PCED1B: variants seen among roughly 807,000 people sequenced by gnomAD.
PCED1B encodes PC-esterase domain containing 1B.
For missense variants in PCED1B, 573 were observed against 573.9 expected (o/e 1.00, Z 0.02); for synonymous variants, 251 against 246.1 (o/e 1.02, Z -0.19).
intron 2 of PCED1B, among the ~76,000 whole-genome samples, chr12:47,140,867 T>A (rs1017179580): frequency 2.6e-5 from 4 of 152,210 alleles, no homozygotes; most frequent in Non-Finnish European, 5.9e-5. Flanking sequence ...ACCTGCTGAA[T>A]ACCCTGAGCA....
At chr12:47,224,734 G>GGTT (rs1363562255) in intron 3 of PCED1B, among the ~76,000 whole-genome samples, 3 of 152,184 alleles carry the variant, frequency 2.0e-5, no homozygotes, top group Non-Finnish European at 4.4e-5. Context: ...GGGGAATCAT[G>GGTT]GTTGTTGTTG....
Position 47,235,012 on chromosome 12 carries a change from C to T in PCED1B, c.-52C>T, listed in dbSNP as rs201466990. On this transcript the variant is annotated 5_prime_UTR_variant, in exon 4 of 4. Transcript: ENST00000546455. ...CTTCTCTCCTTCTGTCCTAGCCATC[C>T]GCAGAGCCATCCTGTGCAAAGGAAG... is the stretch of plus-strand genomic sequence containing the variant. 781 of 1,474,400 alleles carry T rather than the reference C, an allele frequency of 5.3e-4. 2 individuals are homozygous for T. Among genetic ancestry groups the T allele is most frequent in the Non-Finnish European group, 4.8e-4 (530 of 1,100,952 alleles). 91.3% of individuals were successfully genotyped at this position (1,474,400 alleles called of 1,614,324 possible).
intron 2 of PCED1B, among the ~76,000 whole-genome samples, chr12:47,138,900 G>C (rs1940487236): frequency 6.6e-6 from 1 of 152,144 alleles, no homozygotes; most frequent in Non-Finnish European, 1.5e-5. Flanking sequence ...GTATGTCCTT[G>C]TGCCTTTGGG....
intron 1 of PCED1B, among the ~76,000 whole-genome samples, chr12:47,092,609 G>T (rs972544247): frequency 6.6e-6 from 1 of 152,000 alleles, no homozygotes; most frequent in Non-Finnish European, 1.5e-5. Context: ...GTCTTAGGGG[G>T]AAGTTTTCAA....
intron 2 of PCED1B, among the ~76,000 whole-genome samples, chr12:47,183,823 C>CT (rs1942170874): frequency 6.6e-6 from 1 of 152,288 alleles, no homozygotes; most frequent in East Asian, 1.9e-4. Context: ...TTTTAATAGA[C>CT]TTTGATTCCT....
intron 2 of PCED1B, among the ~76,000 whole-genome samples, chr12:47,123,225 C>T (rs973360185): frequency 3.3e-5 from 5 of 152,090 alleles, no homozygotes; most frequent in Admixed American, 2.6e-4. Context: ...GTCAAAAAAC[C>T]TTTCTTAACA....
At chr12:47,080,031 A>C (rs1941948076) in intron 1 of PCED1B, 2 of 151,946 alleles carry the variant, frequency 1.3e-5, no homozygotes, top group African/African-American at 2.4e-5. Context: ...CCAATCCGAG[A>C]GGCGGCCGGC....
chr12:47,090,324 C>T (rs1938209769), intron 1 of PCED1B, among the ~76,000 whole-genome samples: 2 of 152,026 alleles, frequency 1.3e-5, no homozygotes, highest in Admixed American at 6.5e-5. Context: ...AAAGCCAGTG[C>T]CCAGAAGAAT....
intron 2 of PCED1B, among the ~76,000 whole-genome samples, chr12:47,140,551 A>G (rs1278272785): frequency 6.6e-6 from 1 of 152,172 alleles, no homozygotes; most frequent in Non-Finnish European, 1.5e-5. Context: ...CATTCGATCA[A>G]CGGAATGAGA....
chr12:47,233,256 A>C (rs1409949234), intron 3 of PCED1B, among the ~76,000 whole-genome samples: 3 of 152,004 alleles, frequency 2.0e-5, no homozygotes, highest in Non-Finnish European at 4.4e-5. Context: ...TCCTGGGCTC[A>C]CGCCATTCTC....
intron 2 of PCED1B, among the ~76,000 whole-genome samples, chr12:47,139,495 G>A (rs887833227): frequency 2.0e-5 from 3 of 152,300 alleles, no homozygotes; most frequent in Non-Finnish European, 4.4e-5. Flanking sequence ...AGACAGAAGT[G>A]TGTTTGGTGT....
intron 3 of PCED1B, among the ~76,000 whole-genome samples, chr12:47,221,476 G>A (rs1006573796): frequency 6.6e-6 from 1 of 150,560 alleles, no homozygotes; most frequent in African/African-American, 2.4e-5. Context: ...ACCACGCCCC[G>A]CCAACATGAA....
chr12:47,172,340 CTTTTTT>C (rs34230051), intron 2 of PCED1B, among the ~76,000 whole-genome samples: 50 of 78,354 alleles, frequency 6.4e-4, no homozygotes, highest in African/African-American at 1.8e-3. Context: ...TCGTGGGTTG[CTTTTTT>C]TTTTTTTTTT....
At chr12:47,148,684 C>T (rs992012637) in intron 2 of PCED1B, among the ~76,000 whole-genome samples, 3 of 152,204 alleles carry the variant, frequency 2.0e-5, no homozygotes, top group Non-Finnish European at 4.4e-5. Flanking sequence ...TTTTTCAATA[C>T]TTTGTCCAGT....
intron 2 of PCED1B, among the ~76,000 whole-genome samples, chr12:47,171,845 C>T (rs914198689): frequency 6.6e-6 from 1 of 151,428 alleles, no homozygotes; most frequent in African/African-American, 2.4e-5. Context: ...TCTGCTGCTG[C>T]TTCTTTCTTC....
intron 1 of PCED1B, among the ~76,000 whole-genome samples, chr12:47,102,238 G>A (rs2137223242): frequency 6.6e-6 from 1 of 152,318 alleles, no homozygotes; most frequent in East Asian, 1.9e-4. Flanking sequence ...ATGATTACAT[G>A]TGGAAACTTT....
chr12:47,233,343 G>A (rs867544304), intron 3 of PCED1B, among the ~76,000 whole-genome samples: 3 of 152,016 alleles, frequency 2.0e-5, no homozygotes, highest in South Asian at 2.1e-4. Context: ...GGGTTTCACC[G>A]TGGTAGCCAG....
At chr12:47,162,712 T>C (rs1941426222) in intron 2 of PCED1B, among the ~76,000 whole-genome samples, 1 of 152,084 alleles carries the variant, frequency 6.6e-6, no homozygotes, top group Non-Finnish European at 1.5e-5. Flanking sequence ...TGGTAACTCA[T>C]AGAACAAGAA....
chr12:47,183,030 A>G (rs185139716), intron 2 of PCED1B, among the ~76,000 whole-genome samples: 42 of 151,620 alleles, frequency 2.8e-4, no homozygotes, highest in African/African-American at 9.2e-4. Flanking sequence ...TTTTTTGGCA[A>G]TGATTCAAAG....
Sources: allele counts gnomAD v4.1 joint callset (sites outside exome capture counted in the v4.1 genomes callset), GRCh38; gene constraint gnomAD v4.1.1; transcripts MANE v1.5; gene names NCBI Gene and HGNC (gene_info 2026-07-23, HGNC 2026-07-21).